CCDC88A: variants seen among roughly 807,000 people sequenced by gnomAD.
CCDC88A encodes coiled-coil and HOOK domain protein 88A.
In CCDC88A, 54 loss-of-function variants were observed where a neutral mutation model predicts 234.3. The observed-to-expected ratio is 0.23, with a 90% confidence interval of 0.19 to 0.29. CCDC88A has a LOEUF of 0.29. Ranked by LOEUF, CCDC88A falls within the 10% of genes least tolerant of loss-of-function variation. The probability of loss-of-function intolerance (pLI) is 1.00; values close to 1 mark genes in which losing one functional copy is unlikely to be tolerated. For synonymous variants in CCDC88A, 753 were observed against 737.8 expected (o/e 1.02, Z -0.33); for missense variants, 1,832 against 2,123.4 (o/e 0.86, Z 2.70).
intron 8 of CCDC88A, 124 bp downstream of exon 8, chr2:55,355,454 AT>A (rs1670442294): frequency 4.8e-6 from 3 of 627,430 alleles, no homozygotes; most frequent in Non-Finnish European, 7.7e-6. Flanking sequence ...CAACCTCCTT[AT>A]TTTTCTCATT....
chr2:55,406,458 T>C (rs1005575333), intron 2 of CCDC88A, among the ~76,000 whole-genome samples: 2 of 152,110 alleles, frequency 1.3e-5, no homozygotes, highest in East Asian at 3.9e-4. Context: ...GTTCAGGTCT[T>C]AATCAAGGAC....
At chr2:55,379,846 T>C (rs1267141748) in intron 3 of CCDC88A, among the ~76,000 whole-genome samples, 1 of 151,806 alleles carries the variant, frequency 6.6e-6, no homozygotes, top group Non-Finnish European at 1.5e-5. Context: ...TCAGGAGGCA[T>C]GGGTTGCGGT....
chr2:55,418,943 A>C (rs1352925628), intron 1 of CCDC88A, 27 bp from the exon 2 acceptor site: 1 of 1,603,860 alleles, frequency 6.2e-7, no homozygotes, highest in Non-Finnish European at 8.5e-7. Context: ...GATCACCACG[A>C]CATGAACGCC....
intron 2 of CCDC88A, chr2:55,399,912 T>C (rs1361275614): frequency 6.6e-6 from 1 of 152,016 alleles, no homozygotes; most frequent in Non-Finnish European, 1.5e-5. Flanking sequence ...CTCATTCCTG[T>C]GTGTGTGTGT....
intron 6 of CCDC88A, among the ~76,000 whole-genome samples, chr2:55,363,398 T>C (rs1483030726): frequency 1.3e-5 from 2 of 151,946 alleles, no homozygotes; most frequent in Non-Finnish European, 2.9e-5. Flanking sequence ...AGCCCAAGAA[T>C]AGACAGACAT....
chr2:55,348,224 C>A (rs1476813171), intron 9 of CCDC88A, among the ~76,000 whole-genome samples: 1 of 152,150 alleles, frequency 6.6e-6, no homozygotes, highest in Non-Finnish European at 1.5e-5. Context: ...CTTGGCCTCC[C>A]AAAGTGCTAG....
intron 31 of CCDC88A, chr2:55,295,339 A>G (rs1364985993): frequency 7.3e-6 from 11 of 1,508,140 alleles, no homozygotes; most frequent in South Asian, 1.2e-5. Flanking sequence ...GTATTCAGGG[A>G]TAAGAATGGC....
chr2:55,288,967 G>A lies in CCDC88A; in HGVS notation c.*2233C>T, dbSNP rs12619486. ...CTACTGTCTAGTCGTTTCTTGAAAT[G>A]GTATGAAAAAAGTGTGATGAATATA... On this transcript the variant is annotated 3_prime_UTR_variant, in exon 33 of 33. Coordinates refer to ENST00000436346, the MANE Select transcript of CCDC88A (RefSeq NM_001365480.1). 1 of 152,106 alleles carries A rather than the reference G, an allele frequency of 6.6e-6. No homozygotes were observed. The highest frequency in any genetic ancestry group is 1.9e-4 in the East Asian group (1 of 5,200). 9.4% of individuals were successfully genotyped at this position (152,106 alleles called of 1,614,324 possible). A position where few individuals can be genotyped will look rare whatever the true frequency, so the allele number is the denominator to read the frequency against.
chr2:55,359,563 T>C (rs1671014647), intron 7 of CCDC88A, among the ~76,000 whole-genome samples: 2 of 150,990 alleles, frequency 1.3e-5, no homozygotes, highest in South Asian at 4.2e-4. Context: ...CATAACGAAT[T>C]TCGTATGCCC....
At position 55,409,667 on chromosome 2, in the gene CCDC88A, C is replaced by A. The variant is rs142294800; in HGVS notation, c.164+9149G>T. On this transcript the variant is annotated intron_variant, in intron 2 of 32. Transcript: ENST00000436346. ...AGCTCTGCCCTGAGTCCAACTCCGG[C>A]CCTCCTCGGCCCACATGCTTCCACT... Among the ~76,000 whole-genome samples the A allele has an allele frequency of 6.6e-3, 1,007 of 152,086 alleles. 8 individuals carry two copies. The highest frequency in any genetic ancestry group is 0.011 in the Non-Finnish European group (724 of 68,000).
rs1171836989 is a variant in CCDC88A, at chr2:55,332,576, T to C, written c.2845A>G (p.Thr949Ala). ...KERLLHDEQSTDDSRYKLLES... is the reference protein window; with the variant it reads ...KERLLHDEQSADDSRYKLLES... ...AGACTTAGTACTCACCTGTCATCAG[T>C]ACTTTGTTCATCATGTAAGAGTCGC... The change falls in exon 16 of 33, where the codon ACT becomes GCT. Residue 949 changes from threonine to alanine, a missense_variant. Physicochemically the swap from Thr to Ala is moderately conservative, Grantham distance 58. Transcript: ENST00000436346. This position sits in a 1 kb window ranked among gnomAD's most constrained non-coding sequence, Gnocchi z 4.5. The C allele has an allele frequency of 4.3e-6, 7 of 1,613,226 alleles. No homozygotes were observed. In the African/African-American group the frequency reaches 6.7e-5, roughly 15 times the overall value.
At position 55,317,100 on chromosome 2, in the gene CCDC88A, T is replaced by A. The variant is rs2104624185; in HGVS notation, c.3746+106A>T. The A allele has an allele frequency of 2.6e-6, 1 of 387,214 alleles. No homozygotes were observed. Among genetic ancestry groups the A allele is most frequent in the Non-Finnish European group, 4.2e-6 (1 of 238,158 alleles). 24.0% of individuals were successfully genotyped at this position (387,214 alleles called of 1,614,324 possible). Reference sequence around the variant, plus strand: ...TACTACAAAGGGGCAGTATATAGTTTGGATGTAAGAAATAATACATAATTT... The same window carrying A: ...TACTACAAAGGGGCAGTATATAGTTAGGATGTAAGAAATAATACATAATTT... On this transcript the variant is annotated intron_variant, in intron 21 of 32. Transcript: ENST00000436346. This position sits in a 1 kb window ranked among gnomAD's most constrained non-coding sequence, Gnocchi z 4.2.
chr2:55,307,812 G>A lies in CCDC88A; in HGVS notation c.4387+997C>T, dbSNP rs188522228. ...CCACATCTCTATTTTATTTTGAGAC[G>A]GGGTCTTGCTGTGTCACCCAGGCTG... On this transcript the variant is annotated intron_variant, in intron 25 of 32. Coordinates refer to ENST00000436346, the MANE Select transcript of CCDC88A (RefSeq NM_001365480.1). Among the ~76,000 whole-genome samples, 739 of 151,620 alleles carry A rather than the reference G, an allele frequency of 4.9e-3. 22 individuals carry two copies. The highest frequency in any genetic ancestry group is 0.043 in the Admixed American group (661 of 15,214).
intron 2 of CCDC88A, among the ~76,000 whole-genome samples, chr2:55,408,721 G>A (rs1395114392): frequency 6.6e-6 from 1 of 152,116 alleles, no homozygotes; most frequent in African/African-American, 2.4e-5. Flanking sequence ...TCTGCCTGTG[G>A]AGTAGTCATA....
At position 55,288,498 on chromosome 2, in the gene CCDC88A, A is replaced by C; in HGVS notation, c.*2702T>G. On this transcript the variant is annotated 3_prime_UTR_variant, in exon 33 of 33. Transcript: ENST00000436346. Reference sequence around the variant, plus strand: ...ATTTCCTGACATAAACCATTAAGACAGCACAGGCTGTAGTACTTCATTGTG... The same window carrying C: ...ATTTCCTGACATAAACCATTAAGACCGCACAGGCTGTAGTACTTCATTGTG... 6.5e-6 allele frequency: 1 copy of C among 152,800 alleles called. No homozygotes were observed. 9.5% of individuals were successfully genotyped at this position (152,800 alleles called of 1,614,324 possible).
At chr2:55,352,515 C>A (rs1340634915) in intron 8 of CCDC88A, among the ~76,000 whole-genome samples, 1 of 151,536 alleles carries the variant, frequency 6.6e-6, no homozygotes, top group Non-Finnish European at 1.5e-5. Context: ...ATGAAAAAAA[C>A]CACTGAATTG....
intron 3 of CCDC88A, among the ~76,000 whole-genome samples, chr2:55,385,127 C>T (rs553692177): frequency 6.6e-6 from 1 of 152,044 alleles, no homozygotes; most frequent in Non-Finnish European, 1.5e-5. Flanking sequence ...CCCACCACTG[C>T]CACTACTACT....
intron 2 of CCDC88A, among the ~76,000 whole-genome samples, chr2:55,407,462 A>G (rs981808959): frequency 1.3e-5 from 2 of 151,358 alleles, no homozygotes; most frequent in Non-Finnish European, 2.9e-5. Context: ...AAAATTAGCC[A>G]GGCATGGTGG....
At chr2:55,403,745 G>T (rs1679109670) in intron 2 of CCDC88A, 1 of 152,108 alleles carries the variant, frequency 6.6e-6, no homozygotes, top group South Asian at 2.1e-4. Flanking sequence ...AGAGACCTGG[G>T]GACTTAATAT....
Sources: allele counts gnomAD v4.1 joint callset (sites outside exome capture counted in the v4.1 genomes callset), GRCh38; gene constraint gnomAD v4.1.1; non-coding constraint Gnocchi (gnomAD v3.1); transcripts MANE v1.5; gene names NCBI Gene and HGNC (gene_info 2026-07-23, HGNC 2026-07-21).